The following DNAH6 variants were observed in gnomAD, a reference collection of about 807,000 sequenced individuals.
DNAH6 encodes the protein dynein axonemal heavy chain 6.
In DNAH6, 340 loss-of-function variants were observed where a neutral mutation model predicts 491.4. The ratio of observed to expected loss-of-function variants is 0.69; its 90% confidence interval spans 0.63 to 0.76. DNAH6 has a LOEUF of 0.76. Ranked by LOEUF, DNAH6 falls within the 30% of genes least tolerant of loss-of-function variation. The probability of loss-of-function intolerance (pLI) is 0.00; values close to 1 mark genes in which losing one functional copy is unlikely to be tolerated. For synonymous variants in DNAH6, 1,603 were observed against 1,686.1 expected (o/e 0.95, Z 1.21); for missense variants, 4,443 against 4,972.2 (o/e 0.89, Z 3.20).
intron 45 of DNAH6, among the ~76,000 whole-genome samples, chr2:84,693,166 G>C (rs977002701): frequency 1.3e-5 from 2 of 151,770 alleles, no homozygotes; most frequent in African/African-American, 4.8e-5. Context: ...GTGGCCTCTG[G>C]GATGCCATTT....
intron 11 of DNAH6, among the ~76,000 whole-genome samples, chr2:84,558,630 A>G (rs1028897468): frequency 4.6e-5 from 7 of 152,182 alleles, no homozygotes; most frequent in African/African-American, 1.7e-4. Flanking sequence ...TTTTGTTAAA[A>G]CAAAAACATG....
chr2:84,794,356 A>C (rs987920697), intron 68 of DNAH6, among the ~76,000 whole-genome samples: 2 of 151,632 alleles, frequency 1.3e-5, no homozygotes, highest in African/African-American at 4.8e-5. Flanking sequence ...GAGCTTCTGC[A>C]CAGCAAAAGA....
rs927230191 is a variant in DNAH6, at chr2:84,525,608, T to A, written c.269T>A (p.Ile90Lys). 2.6e-6 allele frequency: 4 copies of A among 1,550,132 alleles called. No homozygotes were observed. The African/African-American group carries it at 5.5e-5, about 21-fold the overall frequency. ...CAAGATCATAAGCAGCCAGAATACATACATGAACAGAACCGATTTCAGTTA... is the reference window on the plus strand; with the variant it reads ...CAAGATCATAAGCAGCCAGAATACAAACATGAACAGAACCGATTTCAGTTA... ...VYQDHKQPEY[I>K]HEQNRFQLMT... Residue 90 changes from isoleucine (I) to lysine (K), a missense_variant, in exon 3 of 77, where the codon ATA (isoleucine) becomes AAA (lysine). Physicochemically the swap from Ile to Lys is moderately radical, Grantham distance 102 (BLOSUM62 -3). Transcript: ENST00000389394.
rs368818978 is a variant in DNAH6, at chr2:84,577,302, A to T, written c.1970A>T (p.His657Leu). ...CAACTGGAAAAATATCACAAACAGC[A>T]CAAGGACGCAGTAGCGCTCAGACCC... ...SEQLEKYHKQHKDAVALRPTR... is the reference protein window; with the variant it reads ...SEQLEKYHKQLKDAVALRPTR... Residue 657 changes from histidine to leucine, a missense_variant, in exon 13 of 77, where the codon CAC (histidine) becomes CTC (leucine). Coordinates refer to ENST00000389394, the MANE Select transcript of DNAH6 (RefSeq NM_001370.2). 2.7e-5 allele frequency: 43 copies of T among 1,603,634 alleles called. 2 individuals carry two copies. Among genetic ancestry groups the T allele is most frequent in the Middle Eastern group, 3.3e-4 (2 of 6,042 alleles).
chr2:84,566,438 C>A (rs1681199920), intron 11 of DNAH6, among the ~76,000 whole-genome samples: 1 of 151,924 alleles, frequency 6.6e-6, no homozygotes, highest in Non-Finnish European at 1.5e-5. Flanking sequence ...TTTAAAAAAT[C>A]TTCTGGAAGA....
chr2:84,564,515 T>A (rs1384329805), intron 11 of DNAH6, among the ~76,000 whole-genome samples: 2 of 152,200 alleles, frequency 1.3e-5, no homozygotes, highest in African/African-American at 4.8e-5. Context: ...ATAGAAATGC[T>A]ACTGATTTTT....
intron 9 of DNAH6, among the ~76,000 whole-genome samples, chr2:84,551,845 C>T (rs1274709751): frequency 2.6e-5 from 4 of 152,070 alleles, no homozygotes; most frequent in Admixed American, 6.5e-5. Flanking sequence ...GTGAGGAGTT[C>T]GAGACCAGCC....
chr2:84,797,393 T>A (rs1573841123), intron 69 of DNAH6, 144 bp from the exon 70 acceptor site: 1 of 725,338 alleles, frequency 1.4e-6, no homozygotes, highest in East Asian at 2.7e-5. Flanking sequence ...AATGAAAGCA[T>A]GAAAGCTTAG....
intron 41 of DNAH6, among the ~76,000 whole-genome samples, chr2:84,679,291 G>A (rs1243462805): frequency 3.9e-5 from 6 of 152,026 alleles, no homozygotes; most frequent in East Asian, 1.9e-4. Flanking sequence ...TGCAGGGAGC[G>A]CACCACTAAT....
At chr2:84,656,405 C>T (rs1159182782) in intron 35 of DNAH6, among the ~76,000 whole-genome samples, 1 of 152,124 alleles carries the variant, frequency 6.6e-6, no homozygotes, top group African/African-American at 2.4e-5. Flanking sequence ...TGCATTCCCA[C>T]CAATAATGAA....
the DNAH6 span, among the ~76,000 whole-genome samples, chr2:84,480,286 A>C: frequency 6.6e-6 from 1 of 152,164 alleles, no homozygotes; most frequent in Non-Finnish European, 1.5e-5. Context: ...AGATGAAGAG[A>C]TGTGGTTAGG....
intron 23 of DNAH6, 56 bp downstream of exon 23, chr2:84,617,038 T>A (rs1686921850): frequency 1.0e-6 from 1 of 967,118 alleles, no homozygotes; most frequent in South Asian, 1.8e-5. Context: ...GTCAATCAAG[T>A]TGAGGTTATA....
intron 56 of DNAH6, among the ~76,000 whole-genome samples, 179 bp from the exon 57 acceptor site, chr2:84,712,916 T>TGC: frequency 6.6e-6 from 1 of 152,352 alleles, no homozygotes; most frequent in East Asian, 1.9e-4. Context: ...GCTAATAAAA[T>TGC]GCTTACTGGA....
chr2:84,605,523 T>C lies in DNAH6; in HGVS notation c.3105T>C (p.Thr1035=), dbSNP rs1054385805. 3.9e-6 allele frequency: 6 copies of C among 1,551,436 alleles called. No homozygotes were observed. In the Admixed American group the frequency reaches 1.2e-4, roughly 30 times the overall value. The stretch of plus-strand genomic sequence containing the variant: ...AGGTGGAGGACTCTTGGAAAACAAC[T>C]GAATTTGTCATTCTGCCTCACCGTG... ...LKKVEDSWKT[T]EFVILPHRDS... The change falls in exon 20 of 77, where the codon ACT becomes ACC. Residue 1035 remains threonine (T), a synonymous_variant. Transcript: ENST00000389394.
At position 84,745,015 on chromosome 2, in the gene DNAH6, A is replaced by G. The variant is rs1378767989; in HGVS notation, c.10343-65A>G. On this transcript the variant is annotated intron_variant, in intron 62 of 76. Transcript: ENST00000389394. ...TATAGAGATATTTTTAAATTACCAAACATTATTTAATTTCAAAGCCAAAAC... is the reference window on the plus strand; with the variant it reads ...TATAGAGATATTTTTAAATTACCAAGCATTATTTAATTTCAAAGCCAAAAC... The G allele has an allele frequency of 4.5e-6, 5 of 1,099,800 alleles. No individual in the cohort carries two copies. In the African/African-American group the frequency reaches 4.8e-5, roughly 11 times the overall value. The allele number at this position is 1,099,800 out of a possible 1,614,324, so 68.1% of individuals were successfully genotyped here. A position where few individuals can be genotyped will look rare whatever the true frequency, so the allele number is the denominator to read the frequency against.
chr2:84,641,972 C>G lies in DNAH6; in HGVS notation c.4996C>G (p.Leu1666Val). ...AGSLKRENPD[L>V]NEDVVLIRAL... ...ATCTTTAAAAAGAGAAAACCCAGAC[C>G]TAAATGAAGATGTGGTGTTGATAAG... is the stretch of plus-strand genomic sequence containing the variant. Residue 1666 changes from leucine (L) to valine (V), a missense_variant, in exon 33 of 77, where the codon CTA becomes GTA. By Grantham distance (32) the Leu-to-Val change is conservative (BLOSUM62 1). Around this residue, in one of 3 missense-constraint regions of DNAH6, gnomAD observed 2,977 missense variants for 3,296.6 expected, o/e 0.90. Transcript: ENST00000389394. 6.4e-7 allele frequency: 1 copy of G among 1,550,646 alleles called. No homozygotes were observed.
At chr2:84,563,641 T>C (rs1056988912) in intron 11 of DNAH6, among the ~76,000 whole-genome samples, 1 of 152,224 alleles carries the variant, frequency 6.6e-6, no homozygotes, top group Non-Finnish European at 1.5e-5. Flanking sequence ...TCTCCCATTA[T>C]GTAGGTTGTG....
intron 18 of DNAH6, among the ~76,000 whole-genome samples, chr2:84,596,660 TAAAG>T (rs1205475258): frequency 6.3e-5 from 4 of 63,162 alleles, no homozygotes; most frequent in East Asian, 9.6e-4. Flanking sequence ...AAAGATGAAA[TAAAG>T]AACTAAAAAA....
chr2:84,805,735 G>A lies in DNAH6; in HGVS notation c.11552G>A (p.Gly3851Glu). ...CCAAGGTCATCTACTGGTGGAGAGGGAAAAAGCAATGACGAAATTGTTCAA... is the reference window on the plus strand; with the variant it reads ...CCAAGGTCATCTACTGGTGGAGAGGAAAAAAGCAATGACGAAATTGTTCAA... ...VQPRSSTGGE[G>E]KSNDEIVQEL... The change falls in exon 71 of 77, where the codon GGA (glycine) becomes GAA (glutamate). Residue 3851 changes from glycine (G) to glutamate (E), a missense_variant. This residue lies in a region of DNAH6 where 1,463 missense variants were observed against 1,656.6 expected (regional missense o/e 0.88). Coordinates refer to ENST00000389394, the MANE Select transcript of DNAH6 (RefSeq NM_001370.2). 6.4e-7 allele frequency: 1 copy of A among 1,551,666 alleles called. No individual in the cohort carries two copies. The highest frequency in any genetic ancestry group is 8.7e-7 in the Non-Finnish European group (1 of 1,146,918).
Sources: gnomAD v4.1 joint callset for allele counts (sites outside exome capture counted in the v4.1 genomes callset) on GRCh38, gnomAD v4.1.1 for gene constraint, gnomAD v4.1.1 regional missense constraint, MANE v1.5 for transcripts, NCBI Gene and HGNC (gene_info 2026-07-23, HGNC 2026-07-21) for gene names.